The following COL19A1 variants were observed in gnomAD, a reference collection of about 807,000 sequenced individuals.
The protein encoded by COL19A1 is collagen type XIX alpha 1 chain.
COL19A1 carries 159 observed loss-of-function variants against 190.2 expected under a neutral mutation model. The observed-to-expected ratio is 0.84, with a 90% CI of 0.73 to 0.95. The LOEUF is 0.95. COL19A1 is among the 40% of genes least tolerant of loss of function. The probability of loss-of-function intolerance (pLI) is 0.00; values close to 1 mark genes in which losing one functional copy is unlikely to be tolerated. For synonymous variants in COL19A1, 509 were observed against 458.9 expected (o/e 1.11, Z -1.39); for missense variants, 1,418 against 1,431.9 (o/e 0.99, Z 0.16).
rs535600987 is a variant in COL19A1, at chr6:70,166,658, C to A, written c.2445+673C>A. On this transcript the variant is annotated intron_variant, in intron 37 of 50. Coordinates refer to ENST00000620364, the MANE Select transcript of COL19A1 (RefSeq NM_001858.6). ...GGAATACTTTAAGAAACCAAACTCA[C>A]CATAGAAAGGGCAGAATTGACCGTG... is the stretch of plus-strand genomic sequence containing the variant. Among the ~76,000 whole-genome samples the A allele has an allele frequency of 3.3e-5, 5 of 152,286 alleles. No homozygotes were observed. The South Asian group carries it at 1.0e-3, about 32-fold the overall frequency.
chr6:70,152,020 T>C (rs1216708985), intron 31 of COL19A1, among the ~76,000 whole-genome samples: 2 of 9,388 alleles, frequency 2.1e-4, no homozygotes, highest in African/African-American at 5.8e-3. Flanking sequence ...TTGCTACCTC[T>C]TTTTTTTTTT....
chr6:69,928,488 T>C (rs1772538530), intron 5 of COL19A1, among the ~76,000 whole-genome samples: 1 of 152,198 alleles, frequency 6.6e-6, no homozygotes, highest in Admixed American at 6.5e-5. Flanking sequence ...GAACACATAC[T>C]ATATACTAGG....
intron 14 of COL19A1, among the ~76,000 whole-genome samples, chr6:70,046,134 A>G (rs1350233226): frequency 6.6e-6 from 1 of 152,166 alleles, no homozygotes; most frequent in Non-Finnish European, 1.5e-5. Flanking sequence ...GTTAGCCTTC[A>G]CATTTCTTTA....
intron 14 of COL19A1, among the ~76,000 whole-genome samples, chr6:70,054,904 A>G (rs767211153): frequency 5.9e-5 from 9 of 152,218 alleles, no homozygotes; most frequent in Non-Finnish European, 1.2e-4. Flanking sequence ...AGGTATAAAT[A>G]GAAAAAAGAT....
At chr6:69,944,128 C>T (rs925676942) in intron 9 of COL19A1, among the ~76,000 whole-genome samples, 1 of 152,120 alleles carries the variant, frequency 6.6e-6, no homozygotes, top group Non-Finnish European at 1.5e-5. Context: ...ACTTGGCTCG[C>T]TCTCTTCTTC....
intron 15 of COL19A1, among the ~76,000 whole-genome samples, chr6:70,080,875 A>G (rs1326496098): frequency 6.6e-6 from 1 of 152,192 alleles, no homozygotes; most frequent in Non-Finnish European, 1.5e-5. Context: ...TGTATACTCT[A>G]CTGGTAACTT....
At chr6:70,073,446 G>GT (rs1417978425) in intron 15 of COL19A1, among the ~76,000 whole-genome samples, 1 of 152,206 alleles carries the variant, frequency 6.6e-6, no homozygotes, top group Middle Eastern at 3.2e-3. Context: ...TGCCATGTCG[G>GT]TGTTAGCCTA....
chr6:70,041,086 T>TAA (rs1196845641), intron 14 of COL19A1, among the ~76,000 whole-genome samples: 9 of 152,228 alleles, frequency 5.9e-5, no homozygotes, highest in African/African-American at 1.9e-4. Flanking sequence ...GTGGTTGAAT[T>TAA]ACACACACAA....
chr6:70,069,624 G>C (rs1301528494), intron 15 of COL19A1, among the ~76,000 whole-genome samples: 3 of 152,068 alleles, frequency 2.0e-5, no homozygotes, highest in Admixed American at 2.0e-4. Context: ...CTACTATTAT[G>C]GCCTAAGATT....
At position 69,936,876 on chromosome 6, in the gene COL19A1, A is replaced by G. The variant is rs769148714; in HGVS notation, c.839A>G (p.Glu280Gly). Residue 280 changes from glutamate (E) to glycine (G), a missense_variant, in exon 8 of 51, where the codon GAA (glutamate) becomes GGA (glycine). By Grantham distance (98) the Glu-to-Gly change is moderately conservative. Transcript: ENST00000620364. Reference protein sequence around the residue: ...KMSSYLPAKQELKDQCQCIPN... With the variant: ...KMSSYLPAKQGLKDQCQCIPN... ...TCTTCATATCTGCCAGCAAAGCAGG[A>G]ACTTAAAGACCAGTGCCAGTGCATT... is the stretch of plus-strand genomic sequence containing the variant. 1.2e-6 allele frequency: 2 copies of G among 1,613,168 alleles called. No homozygotes were observed. The highest frequency in any genetic ancestry group is 2.2e-5 in the East Asian group (1 of 44,870).
At position 70,210,153 on chromosome 6, in the gene COL19A1, A is replaced by T. The variant is rs545145631; in HGVS notation, c.*2879A>T. 6.6e-6 allele frequency among the ~76,000 whole-genome samples: 1 copy of T among 152,330 alleles called. No individual in the cohort carries two copies. The highest frequency in any genetic ancestry group is 1.9e-4 in the East Asian group (1 of 5,188). On this transcript the variant is annotated 3_prime_UTR_variant, in exon 51 of 51. Transcript: ENST00000620364. ...TTTAAATACAAAATAATTATGGGCCATGACGACGATTAATATTAAAACTGT... is the reference window on the plus strand; with the variant it reads ...TTTAAATACAAAATAATTATGGGCCTTGACGACGATTAATATTAAAACTGT...
intron 11 of COL19A1, among the ~76,000 whole-genome samples, chr6:69,975,342 A>G (rs115125604): frequency 3.3e-5 from 5 of 152,268 alleles, no homozygotes; most frequent in African/African-American, 1.2e-4. Context: ...GCAGTCATTC[A>G]TATAGGCAGT....
intron 34 of COL19A1, among the ~76,000 whole-genome samples, chr6:70,160,262 A>G (rs1410755471): frequency 1.3e-5 from 2 of 152,100 alleles, no homozygotes; most frequent in Non-Finnish European, 2.9e-5. Flanking sequence ...AGGCAGCAGG[A>G]GAGAGAGCAA....
chr6:70,053,644 T>G (rs1020499817), intron 14 of COL19A1, among the ~76,000 whole-genome samples: 1 of 152,216 alleles, frequency 6.6e-6, no homozygotes, highest in African/African-American at 2.4e-5. Context: ...ATAGACTTAT[T>G]TTTTCATTGA....
At chr6:69,964,407 T>C (rs1177502476) in intron 11 of COL19A1, among the ~76,000 whole-genome samples, 1 of 152,194 alleles carries the variant, frequency 6.6e-6, no homozygotes, top group Admixed American at 6.5e-5. Flanking sequence ...AAATGCTTTA[T>C]TTATACATAT....
At chr6:70,006,389 T>TG (rs1374415792) in intron 11 of COL19A1, among the ~76,000 whole-genome samples, 2 of 152,144 alleles carry the variant, frequency 1.3e-5, no homozygotes, top group Admixed American at 6.5e-5. Flanking sequence ...TTCCCTTGGC[T>TG]GGGGGGTGAG....
intron 47 of COL19A1, among the ~76,000 whole-genome samples, chr6:70,188,993 A>T (rs1013611320): frequency 8.5e-5 from 13 of 152,202 alleles, no homozygotes; most frequent in African/African-American, 3.1e-4. Flanking sequence ...ACTCTACTTG[A>T]ATAAAGCCTG....
At chr6:70,181,822 A>G (rs1766196431) in intron 44 of COL19A1, among the ~76,000 whole-genome samples, 1 of 152,124 alleles carries the variant, frequency 6.6e-6, no homozygotes, top group Non-Finnish European at 1.5e-5. Context: ...TCAGAGGACC[A>G]TTGTTTCAGG....
intron 37 of COL19A1, among the ~76,000 whole-genome samples, chr6:70,166,911 A>C (rs913202726): frequency 6.6e-6 from 1 of 152,244 alleles, no homozygotes; most frequent in South Asian, 2.1e-4. Flanking sequence ...ACATGAGTTC[A>C]TGAAAGGGAC....
Sources: gnomAD v4.1 joint callset for allele counts (sites outside exome capture counted in the v4.1 genomes callset) on GRCh38, gnomAD v4.1.1 for gene constraint, MANE v1.5 for transcripts, NCBI Gene and HGNC (gene_info 2026-07-23, HGNC 2026-07-21) for gene names.